Variants in ELOVL6 observed in about 807,000 individuals in gnomAD.
The protein encoded by ELOVL6 is very long chain fatty acid elongase 6.
In ELOVL6, 8 loss-of-function variants were observed where a neutral mutation model predicts 31.7. The observed-to-expected ratio is 0.25, with a 90% confidence interval of 0.15 to 0.45. The LOEUF is 0.45. Ranked by LOEUF, ELOVL6 falls within the 20% of genes least tolerant of loss-of-function variation. The probability of loss-of-function intolerance (pLI) is 1.00; values close to 1 mark genes in which losing one functional copy is unlikely to be tolerated. For synonymous variants in ELOVL6, 101 were observed against 117.7 expected (o/e 0.86, Z 0.92); for missense variants, 126 against 326.4 (o/e 0.39, Z 4.73).
intron 1 of ELOVL6, among the ~76,000 whole-genome samples, chr4:110,167,724 CAG>C (rs1052706133): frequency 9.9e-5 from 15 of 151,882 alleles, no homozygotes; most frequent in Non-Finnish European, 1.9e-4. Context: ...TATGTAGAGA[CAG>C]GGTCTCCCTG....
chr4:110,092,802 T>TACAC (rs61203029), intron 2 of ELOVL6, among the ~76,000 whole-genome samples: 99 of 150,262 alleles, frequency 6.6e-4, no homozygotes, highest in Middle Eastern at 3.4e-3. Context: ...AATCTTGTAG[T>TACAC]ACACACACAC....
At chr4:110,087,211 AG>A (rs1377199937) in intron 2 of ELOVL6, among the ~76,000 whole-genome samples, 1 of 152,080 alleles carries the variant, frequency 6.6e-6, no homozygotes, top group Non-Finnish European at 1.5e-5. Flanking sequence ...CGCCCCCACA[AG>A]GATTTGATGA....
intron 1 of ELOVL6, among the ~76,000 whole-genome samples, chr4:110,194,959 T>C (rs1437615542): frequency 6.6e-6 from 1 of 152,150 alleles, no homozygotes; most frequent in Admixed American, 6.5e-5. Flanking sequence ...AAAGACAGAG[T>C]AGAAGCTTCA....
intron 1 of ELOVL6, among the ~76,000 whole-genome samples, chr4:110,168,315 G>A (rs1279892821): frequency 4.6e-5 from 7 of 152,018 alleles, no homozygotes; most frequent in Non-Finnish European, 1.0e-4. Flanking sequence ...CAGAGTTCGA[G>A]ACCGGCTTGG....
intron 1 of ELOVL6, among the ~76,000 whole-genome samples, chr4:110,145,142 A>G (rs1332519043): frequency 6.8e-6 from 1 of 147,886 alleles, no homozygotes; most frequent in Non-Finnish European, 1.5e-5. Context: ...AGTATAGGGC[A>G]GAGAGAGAGA....
chr4:110,144,723 A>T lies in ELOVL6; in HGVS notation c.90-39095T>A, dbSNP rs576965971. Among the ~76,000 whole-genome samples, 6 of 152,312 alleles carry T rather than the reference A, an allele frequency of 3.9e-5. No homozygotes were observed. The South Asian group carries it at 1.2e-3, about 32-fold the overall frequency. On this transcript the variant is annotated intron_variant, in intron 1 of 3. Coordinates refer to ENST00000302274, the MANE Select transcript of ELOVL6 (RefSeq NM_024090.3). ...ACAGGAGTGACCATCACCAATAAAA[A>T]TACAATTTGTAAGCAACTCTTTAAA...
chr4:110,120,189 A>G (rs1578495641), intron 1 of ELOVL6, among the ~76,000 whole-genome samples: 1 of 152,180 alleles, frequency 6.6e-6, no homozygotes, highest in Non-Finnish European at 1.5e-5. Context: ...GTGGATAGGT[A>G]GCAATCGCTC....
intron 1 of ELOVL6, among the ~76,000 whole-genome samples, chr4:110,135,278 T>G (rs1275919069): frequency 1.3e-5 from 2 of 152,202 alleles, no homozygotes; most frequent in Non-Finnish European, 2.9e-5. Context: ...TCTCCTTTCC[T>G]CTTCACACTA....
At chr4:110,079,366 A>G (rs1357484325) in intron 2 of ELOVL6, among the ~76,000 whole-genome samples, 4 of 152,220 alleles carry the variant, frequency 2.6e-5, no homozygotes, top group Non-Finnish European at 5.9e-5. Context: ...CAAATGGAAA[A>G]GAACAGAAAT....
intron 2 of ELOVL6, among the ~76,000 whole-genome samples, chr4:110,074,833 G>A (rs112197963): frequency 9.9e-5 from 15 of 152,276 alleles, no homozygotes; most frequent in Non-Finnish European, 1.9e-4. Context: ...TCTCCTTCCC[G>A]TAACTGGCCT....
intron 3 of ELOVL6, among the ~76,000 whole-genome samples, chr4:110,058,231 T>G (rs1490970555): frequency 1.3e-5 from 2 of 152,292 alleles, no homozygotes; most frequent in African/African-American, 4.8e-5. Context: ...ACTAATGCAT[T>G]TTACCCTGAG....
intron 1 of ELOVL6, among the ~76,000 whole-genome samples, chr4:110,166,482 C>T (rs777869428): frequency 2.0e-5 from 3 of 151,982 alleles, no homozygotes; most frequent in Non-Finnish European, 2.9e-5. Context: ...TGTGGTGGTA[C>T]GCGCCCTGTA....
intron 1 of ELOVL6, among the ~76,000 whole-genome samples, chr4:110,116,037 T>C (rs1321415985): frequency 6.6e-6 from 1 of 152,136 alleles, no homozygotes; most frequent in Non-Finnish European, 1.5e-5. Context: ...AAGAACCCTG[T>C]GAATATAATG....
chr4:110,108,476 G>A lies in ELOVL6; in HGVS notation c.90-2848C>T, dbSNP rs901700203. Reference sequence around the variant, plus strand: ...TAATGCACTGCTCACTTCCCAGCAAGGGCCATTCACTTTTCCACAAGAGCT... The same window carrying A: ...TAATGCACTGCTCACTTCCCAGCAAAGGCCATTCACTTTTCCACAAGAGCT... On this transcript the variant is annotated intron_variant, in intron 1 of 3. Coordinates refer to ENST00000302274, the MANE Select transcript of ELOVL6 (RefSeq NM_024090.3). 2.0e-5 allele frequency among the ~76,000 whole-genome samples: 3 copies of A among 152,120 alleles called. No homozygotes were observed. The East Asian group carries it at 5.8e-4, about 29-fold the overall frequency.
chr4:110,151,342 T>C (rs1447716785), intron 1 of ELOVL6, among the ~76,000 whole-genome samples: 2 of 152,004 alleles, frequency 1.3e-5, no homozygotes, highest in Non-Finnish European at 2.9e-5. Context: ...CTAAAGGTAA[T>C]TTTATATAAT....
chr4:110,151,954 T>C (rs1200818715), intron 1 of ELOVL6, among the ~76,000 whole-genome samples: 2 of 152,226 alleles, frequency 1.3e-5, no homozygotes, highest in African/African-American at 2.4e-5. Context: ...ACACAAGTTA[T>C]AGCATTCAAC....
At chr4:110,194,053 A>T (rs954717032) in intron 1 of ELOVL6, among the ~76,000 whole-genome samples, 1 of 152,180 alleles carries the variant, frequency 6.6e-6, no homozygotes, top group African/African-American at 2.4e-5. Flanking sequence ...GTTAGCACAA[A>T]CCTGGCAGGC....
intron 3 of ELOVL6, among the ~76,000 whole-genome samples, chr4:110,053,708 G>A (rs1418487034): frequency 6.6e-6 from 1 of 152,126 alleles, no homozygotes; most frequent in Non-Finnish European, 1.5e-5. Flanking sequence ...GGGAGCCCGA[G>A]GTGGGCAGAT....
chr4:110,166,223 T>C (rs991728218), intron 1 of ELOVL6, among the ~76,000 whole-genome samples: 1 of 152,188 alleles, frequency 6.6e-6, no homozygotes, highest in Non-Finnish European at 1.5e-5. Flanking sequence ...CCTTCAAATG[T>C]TGTTGTCTTT....
Sources: gnomAD v4.1 joint callset for allele counts (sites outside exome capture counted in the v4.1 genomes callset) on GRCh38, gnomAD v4.1.1 for gene constraint, MANE v1.5 for transcripts, NCBI Gene and HGNC (gene_info 2026-07-23, HGNC 2026-07-21) for gene names.